The following TMEM135 variants were observed in gnomAD, a reference collection of about 807,000 sequenced individuals.
TMEM135 encodes peroxisomal membrane protein 52.
In TMEM135, 30 loss-of-function variants were observed where a neutral mutation model predicts 60.3. The observed-to-expected ratio is 0.50, with a 90% CI of 0.37 to 0.68. TMEM135 has a LOEUF of 0.68. TMEM135 is among the 30% of genes least tolerant of loss of function. The pLI is 0.00. For missense variants in TMEM135, 468 were observed against 548.8 expected (o/e 0.85, Z 1.47); for synonymous variants, 190 against 186.7 (o/e 1.02, Z -0.14).
intron 5 of TMEM135, among the ~76,000 whole-genome samples, chr11:87,193,564 T>G (rs1939867242): frequency 6.6e-6 from 1 of 151,982 alleles, no homozygotes; most frequent in African/African-American, 2.4e-5. Flanking sequence ...GGATAACTGT[T>G]AATTTCTTCT....
At chr11:87,067,190 G>GTA (rs1856683450) in intron 1 of TMEM135, among the ~76,000 whole-genome samples, 2 of 144,040 alleles carry the variant, frequency 1.4e-5, no homozygotes, top group Non-Finnish European at 3.0e-5. Context: ...CACACACTAT[G>GTA]TATATATATA....
At chr11:87,149,661 T>C (rs910882892) in intron 4 of TMEM135, among the ~76,000 whole-genome samples, 1 of 152,180 alleles carries the variant, frequency 6.6e-6, no homozygotes, top group African/African-American at 2.4e-5. Context: ...TGTTTAAATA[T>C]CTTCTCTCCT....
chr11:87,129,396 C>G (rs894814722), intron 4 of TMEM135, among the ~76,000 whole-genome samples: 1 of 151,670 alleles, frequency 6.6e-6, no homozygotes, highest in Non-Finnish European at 1.5e-5. Context: ...TCGCACACCA[C>G]CATGACTGGC....
intron 5 of TMEM135, among the ~76,000 whole-genome samples, chr11:87,165,689 G>A (rs186162836): frequency 1.3e-5 from 2 of 151,464 alleles, no homozygotes; most frequent in African/African-American, 4.9e-5. Flanking sequence ...TACTAGAAAA[G>A]CAAGAGCAAA....
chr11:87,066,408 T>C lies in TMEM135; in HGVS notation c.142-1286T>C, dbSNP rs561741678. Among the ~76,000 whole-genome samples, 4 of 152,316 alleles carry C rather than the reference T, an allele frequency of 2.6e-5. No homozygotes were observed. The East Asian group carries it at 7.7e-4, about 29-fold the overall frequency. On this transcript the variant is annotated intron_variant, in intron 1 of 14. Transcript: ENST00000305494. The stretch of plus-strand genomic sequence containing the variant: ...TCTGTGGTACTTTCTATTATATTAC[T>C]AACACTTAATCAGTCCTCAGTATCT...
intron 4 of TMEM135, among the ~76,000 whole-genome samples, chr11:87,106,834 G>A (rs918395928): frequency 3.3e-5 from 5 of 152,244 alleles, no homozygotes; most frequent in South Asian, 2.1e-4. Flanking sequence ...GCAGGCTCAC[G>A]GTTCTGCAGG....
chr11:87,147,716 T>TTA (rs1223083460), intron 4 of TMEM135, among the ~76,000 whole-genome samples: 1 of 152,218 alleles, frequency 6.6e-6, no homozygotes, highest in Non-Finnish European at 1.5e-5. Context: ...TTTATGTCTC[T>TTA]TAAGTCTCTT....
At chr11:87,219,647 A>G (rs940663118) in intron 5 of TMEM135, among the ~76,000 whole-genome samples, 1 of 152,112 alleles carries the variant, frequency 6.6e-6, no homozygotes, top group Non-Finnish European at 1.5e-5. Context: ...TACTTTCCTA[A>G]CAGCCATCTC....
intron 10 of TMEM135, 49 bp downstream of exon 10, chr11:87,309,721 T>C (rs780658367): frequency 6.3e-7 from 1 of 1,584,504 alleles, no homozygotes; most frequent in South Asian, 1.1e-5. Context: ...ATAACATTGC[T>C]ATTGTTAGAA....
chr11:87,237,962 T>C (rs531246527), intron 6 of TMEM135, among the ~76,000 whole-genome samples: 1 of 152,106 alleles, frequency 6.6e-6, no homozygotes, highest in East Asian at 1.9e-4. Context: ...CATAATGATC[T>C]CCAGTTCCAT....
At chr11:87,265,954 G>C (rs4944688) in intron 6 of TMEM135, among the ~76,000 whole-genome samples, 2 of 151,902 alleles carry the variant, frequency 1.3e-5, no homozygotes, top group African/African-American at 4.8e-5. Flanking sequence ...CTGAGCTATT[G>C]ATCTATTAGC....
chr11:87,268,164 C>CTTTTCTTTTCT (rs1199993334), intron 6 of TMEM135, among the ~76,000 whole-genome samples: 7 of 110,480 alleles, frequency 6.3e-5, no homozygotes, highest in South Asian at 2.7e-4. Context: ...ATTTCCTTTC[C>CTTTTCTTTTCT]TTTCCTTTCT....
At chr11:87,126,157 C>T (rs1452572242) in intron 4 of TMEM135, among the ~76,000 whole-genome samples, 1 of 152,134 alleles carries the variant, frequency 6.6e-6, no homozygotes, top group Non-Finnish European at 1.5e-5. Context: ...GGGCTTGAGC[C>T]ACTATGCCCG....
chr11:87,163,865 G>A (rs1293688935), intron 5 of TMEM135, among the ~76,000 whole-genome samples: 32 of 145,134 alleles, frequency 2.2e-4, no homozygotes, highest in Admixed American at 1.0e-3. Flanking sequence ...CATGTCCTTC[G>A]CCCACTTTTT....
intron 3 of TMEM135, among the ~76,000 whole-genome samples, chr11:87,088,229 G>C (rs1223604779): frequency 1.3e-5 from 2 of 152,076 alleles, no homozygotes; most frequent in Non-Finnish European, 2.9e-5. Context: ...TATGAGGCCA[G>C]TTTCCCCAAG....
intron 4 of TMEM135, chr11:87,121,009 A>G (rs1463454298): frequency 6.6e-6 from 1 of 152,238 alleles, no homozygotes; most frequent in East Asian, 1.9e-4. Flanking sequence ...TGTAGGTACC[A>G]TTCAATATGT....
At chr11:87,221,857 C>A (rs931089214) in intron 5 of TMEM135, among the ~76,000 whole-genome samples, 1 of 152,150 alleles carries the variant, frequency 6.6e-6, no homozygotes, top group Non-Finnish European at 1.5e-5. Flanking sequence ...GGATATTGAA[C>A]AAAGTTGGCT....
At chr11:87,109,401 A>G (rs1183152190) in intron 4 of TMEM135, among the ~76,000 whole-genome samples, 1 of 152,236 alleles carries the variant, frequency 6.6e-6, no homozygotes, top group African/African-American at 2.4e-5. Context: ...AACAATTATA[A>G]TAATACACTG....
At chr11:87,291,592 T>C (rs1942264438) in intron 6 of TMEM135, among the ~76,000 whole-genome samples, 2 of 138,624 alleles carry the variant, frequency 1.4e-5, no homozygotes, top group Admixed American at 8.2e-5. Flanking sequence ...AGTGCAATGG[T>C]GTGATCTTGG....
Sources: allele counts gnomAD v4.1 joint callset (sites outside exome capture counted in the v4.1 genomes callset), GRCh38; gene constraint gnomAD v4.1.1; transcripts MANE v1.5; gene names NCBI Gene and HGNC (gene_info 2026-07-23, HGNC 2026-07-21).